USP46: variants seen among roughly 807,000 people sequenced by gnomAD.
USP46 encodes the protein ubiquitin carboxyl-terminal hydrolase 46.
USP46 carries 12 observed loss-of-function variants against 44.4 expected under a neutral mutation model. That is an observed-to-expected ratio of 0.27 (90% confidence interval 0.17 to 0.44). The LOEUF (loss-of-function observed/expected upper bound fraction) is 0.44, where lower values mean the gene tolerates loss of function less well. Ranked by LOEUF, USP46 falls within the 20% of genes least tolerant of loss-of-function variation. The probability of loss-of-function intolerance (pLI) is 1.00; values close to 1 mark genes in which losing one functional copy is unlikely to be tolerated. For synonymous variants in USP46, 155 were observed against 161.5 expected, an observed-to-expected ratio of 0.96 and a Z score of 0.31; for missense variants, 248 against 444.8, an observed-to-expected ratio of 0.56 and a Z score of 3.98.
intron 1 of USP46, among the ~76,000 whole-genome samples, chr4:52,658,672 C>T (rs1719051323): frequency 6.6e-6 from 1 of 152,232 alleles, no homozygotes; most frequent in African/African-American, 2.4e-5. Flanking sequence ...GAATTTTAAA[C>T]ACCTCGGAAG....
intron 3 of USP46, among the ~76,000 whole-genome samples, chr4:52,627,102 G>A (rs956362654): frequency 1.3e-5 from 2 of 152,126 alleles, no homozygotes; most frequent in African/African-American, 2.4e-5. Context: ...CTGCCATAAG[G>A]ACAAACAATC....
intron 4 of USP46, among the ~76,000 whole-genome samples, chr4:52,615,189 A>G (rs1281757646): frequency 2.0e-5 from 3 of 152,208 alleles, no homozygotes; most frequent in Non-Finnish European, 4.4e-5. Context: ...ATCAATAATT[A>G]CCATAAACAT....
At chr4:52,598,577 C>G in intron 8 of USP46, 51 bp downstream of exon 8, 1 of 1,527,718 alleles carries the variant, frequency 6.5e-7, no homozygotes, top group Non-Finnish European at 9.0e-7. Context: ...ACACATTCTC[C>G]GAAATACTAC....
At chr4:52,616,185 G>T (rs925835429) in intron 4 of USP46, among the ~76,000 whole-genome samples, 1 of 152,188 alleles carries the variant, frequency 6.6e-6, no homozygotes, top group African/African-American at 2.4e-5. Flanking sequence ...TCTCAATGTT[G>T]TATCTTGGGA....
intron 1 of USP46, among the ~76,000 whole-genome samples, chr4:52,643,801 T>C (rs1208564495): frequency 5.3e-5 from 8 of 152,084 alleles, no homozygotes; most frequent in Admixed American, 3.3e-4. Context: ...ATGAAAAAAA[T>C]GTAGGGAACC....
At chr4:52,643,695 T>G (rs932168103) in intron 1 of USP46, among the ~76,000 whole-genome samples, 5 of 152,220 alleles carry the variant, frequency 3.3e-5, no homozygotes, top group Admixed American at 3.3e-4. Flanking sequence ...AAGTTAGCAG[T>G]AGGTGCCACT....
chr4:52,603,673 T>C (rs193151608), intron 6 of USP46, among the ~76,000 whole-genome samples: 55 of 152,250 alleles, frequency 3.6e-4, no homozygotes, highest in African/African-American at 1.3e-3. Context: ...AACTTTCTTA[T>C]CACCTGTTCT....
At chr4:52,628,854 C>A (rs1240246591) in intron 2 of USP46, among the ~76,000 whole-genome samples, 2 of 152,180 alleles carry the variant, frequency 1.3e-5, no homozygotes, top group African/African-American at 4.8e-5. Context: ...CAATACTACC[C>A]AAGTTCCTAG....
At chr4:52,627,522 T>C (rs1242458460) in intron 3 of USP46, among the ~76,000 whole-genome samples, 1 of 152,256 alleles carries the variant, frequency 6.6e-6, no homozygotes, top group African/African-American at 2.4e-5. Flanking sequence ...AGAGGTATTG[T>C]ATTTAAAACA....
At chr4:52,599,388 G>A (rs1716367904) in intron 7 of USP46, among the ~76,000 whole-genome samples, 3 of 152,078 alleles carry the variant, frequency 2.0e-5, no homozygotes, top group African/African-American at 2.4e-5. Context: ...GAAGAGCAGA[G>A]AGGCCAAAGG....
At chr4:52,632,984 G>GAAAGAAAGAAAGAA (rs1175060206) in intron 1 of USP46, among the ~76,000 whole-genome samples, 1 of 52,536 alleles carries the variant, frequency 1.9e-5, no homozygotes, top group Admixed American at 2.1e-4. Context: ...AAGAAAGAAA[G>GAAAGAAAGAAAGAA]AAAAGAAAAG....
At chr4:52,610,722 G>C (rs1250675558) in intron 4 of USP46, 105 bp from the exon 5 acceptor site, 7 of 1,063,972 alleles carry the variant, frequency 6.6e-6, no homozygotes, top group Non-Finnish European at 8.4e-6. Flanking sequence ...CATAACTGCA[G>C]TTAAAGTCCT....
intron 1 of USP46, among the ~76,000 whole-genome samples, chr4:52,652,678 C>A (rs993542962): frequency 1.6e-4 from 25 of 151,946 alleles, no homozygotes; most frequent in African/African-American, 5.6e-4. Flanking sequence ...TGAAAAAATA[C>A]ACTATATCTA....
chr4:52,623,462 G>C (rs1251874480), intron 4 of USP46, among the ~76,000 whole-genome samples: 1 of 151,982 alleles, frequency 6.6e-6, no homozygotes, highest in Non-Finnish European at 1.5e-5. Context: ...TCTAACTGTT[G>C]GAAAAGTGGA....
At chr4:52,644,706 T>C (rs1718474494) in intron 1 of USP46, among the ~76,000 whole-genome samples, 2 of 150,296 alleles carry the variant, frequency 1.3e-5, no homozygotes, top group South Asian at 2.1e-4. Context: ...GCCAAAAAGT[T>C]TGGGGACCGC....
chr4:52,627,838 A>G, intron 3 of USP46, 112 bp downstream of exon 3: 1 of 1,193,488 alleles, frequency 8.4e-7, no homozygotes, highest in East Asian at 2.6e-5. Flanking sequence ...GTAGTTAACC[A>G]TGCTTATTTT....
chr4:52,608,293 A>G (rs1716777816), intron 5 of USP46, among the ~76,000 whole-genome samples: 2 of 152,244 alleles, frequency 1.3e-5, no homozygotes, highest in South Asian at 4.1e-4. Flanking sequence ...ATATATTTTC[A>G]ATTAAAATCT....
chr4:52,632,976 GAAAGAAAGAAAAGA>G (rs1560406039), intron 1 of USP46, among the ~76,000 whole-genome samples: 38 of 76,724 alleles, frequency 5.0e-4, no homozygotes, highest in African/African-American at 2.2e-3. Flanking sequence ...AAGAAAGAAA[GAAAGAAAGAAAAGA>G]AAAGAAAGAA....
chr4:52,608,500 GATGA>G (rs1716791425), intron 5 of USP46, among the ~76,000 whole-genome samples: 1 of 152,254 alleles, frequency 6.6e-6, no homozygotes, highest in Admixed American at 6.5e-5. Flanking sequence ...GAGCTGAGGA[GATGA>G]ATACATCTAA....
Sources: allele counts gnomAD v4.1 joint callset (sites outside exome capture counted in the v4.1 genomes callset), GRCh38; gene constraint gnomAD v4.1.1; transcripts MANE v1.5; gene names NCBI Gene and HGNC (gene_info 2026-07-23, HGNC 2026-07-21).